The following ROBO1 variants were observed in gnomAD, a reference collection of about 807,000 sequenced individuals.
The protein encoded by ROBO1 is roundabout guidance receptor 1, also known as roundabout homolog 1.
In ROBO1, 149 loss-of-function variants were observed where a neutral mutation model predicts 195.9. The observed-to-expected ratio is 0.76, with a 90% CI of 0.67 to 0.87. The LOEUF (loss-of-function observed/expected upper bound fraction) is 0.87. Ranked by LOEUF, ROBO1 falls within the 40% of genes least tolerant of loss-of-function variation. The pLI, the probability that ROBO1 is intolerant of heterozygous loss-of-function variation, is 0.00. For missense variants in ROBO1, 1,933 were observed against 2,068.3 expected (o/e 0.93, Z 1.27); for synonymous variants, 816 against 733.2 (o/e 1.11, Z -1.82).
intron 28 of ROBO1, chr3:78,607,323 C>T: frequency 2.9e-6 from 1 of 349,632 alleles, no homozygotes; most frequent in Non-Finnish European, 5.3e-6. Flanking sequence ...AGCAATCCTC[C>T]CACCTCAGCC....
chr3:78,763,448 C>T (rs1016791163), intron 4 of ROBO1, among the ~76,000 whole-genome samples: 1 of 152,008 alleles, frequency 6.6e-6, no homozygotes. Context: ...AAATTCATAC[C>T]TTAATCTTCC....
chr3:79,349,231 G>C (rs149214440), intron 2 of ROBO1, among the ~76,000 whole-genome samples: 16 of 152,262 alleles, frequency 1.1e-4, no homozygotes, highest in African/African-American at 3.8e-4. Context: ...TCAACTTGAA[G>C]TAAATGCTTC....
At chr3:79,608,565 G>A (rs1054639784) in intron 1 of ROBO1, among the ~76,000 whole-genome samples, 8 of 151,900 alleles carry the variant, frequency 5.3e-5, no homozygotes, top group African/African-American at 1.9e-4. Context: ...TGGGTTAAAA[G>A]GAATAAGCAA....
intron 2 of ROBO1, among the ~76,000 whole-genome samples, chr3:79,520,629 A>G (rs7626778): frequency 0.19 from 29,253 of 152,148 alleles, 3,358 homozygotes; most frequent in African/African-American, 0.3. Flanking sequence ...AGAGAAACTC[A>G]TATCTTATGA....
At chr3:79,359,079 T>C (rs1559843499) in intron 2 of ROBO1, among the ~76,000 whole-genome samples, 1 of 152,064 alleles carries the variant, frequency 6.6e-6, no homozygotes, top group South Asian at 2.1e-4. Flanking sequence ...GATTACCTCT[T>C]TATTTATCTA....
chr3:78,981,357 ATC>A (rs1249719093), intron 3 of ROBO1, among the ~76,000 whole-genome samples: 4 of 152,312 alleles, frequency 2.6e-5, no homozygotes, highest in African/African-American at 9.6e-5. Flanking sequence ...ATCAACCAGC[ATC>A]TCAAATAACA....
chr3:79,465,208 T>A (rs961293815), intron 2 of ROBO1, among the ~76,000 whole-genome samples: 9 of 152,190 alleles, frequency 5.9e-5, no homozygotes, highest in Non-Finnish European at 1.3e-4. Flanking sequence ...TTCATAGATG[T>A]AACAGGGGTG....
chr3:78,724,540 G>A (rs2082119233), intron 5 of ROBO1, among the ~76,000 whole-genome samples: 1 of 147,470 alleles, frequency 6.8e-6, no homozygotes, highest in Non-Finnish European at 1.5e-5. Flanking sequence ...AAAAAAGCCT[G>A]GTGTGCTGGC....
intron 3 of ROBO1, among the ~76,000 whole-genome samples, chr3:79,066,120 T>C (rs2078998548): frequency 6.6e-6 from 1 of 151,794 alleles, no homozygotes; most frequent in African/African-American, 2.4e-5. Context: ...AGCTACAACA[T>C]GAGAGAGTCT....
At chr3:78,719,119 T>C (rs188647069) in intron 5 of ROBO1, among the ~76,000 whole-genome samples, 1 of 152,274 alleles carries the variant, frequency 6.6e-6, no homozygotes, top group African/African-American at 2.4e-5. Context: ...GAACTTGATT[T>C]TTTTTCAGTA....
chr3:79,755,827 A>G (rs1704366227), intron 1 of ROBO1, among the ~76,000 whole-genome samples: 1 of 152,124 alleles, frequency 6.6e-6, no homozygotes, highest in African/African-American at 2.4e-5. Context: ...CTCAGCACAC[A>G]TTTTTGTCAC....
intron 2 of ROBO1, among the ~76,000 whole-genome samples, chr3:79,577,716 A>AC (rs1225116639): frequency 4.2e-4 from 54 of 128,604 alleles, no homozygotes; most frequent in East Asian, 2.8e-3. Context: ...TCTTTACTAA[A>AC]AACACACACA....
intron 4 of ROBO1, among the ~76,000 whole-genome samples, chr3:78,863,315 A>G (rs1290621945): frequency 6.6e-6 from 1 of 152,204 alleles, no homozygotes; most frequent in Non-Finnish European, 1.5e-5. Context: ...CTATGAGCCT[A>G]TGACATCCAC....
At chr3:79,271,973 A>G (rs1398587323) in intron 2 of ROBO1, among the ~76,000 whole-genome samples, 2 of 152,100 alleles carry the variant, frequency 1.3e-5, no homozygotes, top group African/African-American at 4.8e-5. Context: ...AATATGTGAT[A>G]CTGACATATA....
intron 4 of ROBO1, among the ~76,000 whole-genome samples, chr3:78,821,265 A>T (rs933553044): frequency 3.1e-4 from 46 of 149,912 alleles, no homozygotes; most frequent in African/African-American, 1.1e-3. Context: ...TCCTGGGCTC[A>T]AGCAATTCTC....
At chr3:79,125,656 G>A (rs1200907751) in intron 2 of ROBO1, 117 bp from the exon 3 acceptor site, 2 of 750,510 alleles carry the variant, frequency 2.7e-6, no homozygotes, top group African/African-American at 3.4e-5. Context: ...AACACACAAG[G>A]ACAACACACA....
At chr3:79,445,586 A>C (rs1295422443) in intron 2 of ROBO1, among the ~76,000 whole-genome samples, 1 of 150,010 alleles carries the variant, frequency 6.7e-6, no homozygotes, top group Non-Finnish European at 1.5e-5. Context: ...CGCAGCCTCA[A>C]ATTCCTGGGC....
Position 79,523,473 on chromosome 3 carries a change from T to C in ROBO1, c.88+66351A>G, listed in dbSNP as rs936328414. Reference sequence around the variant, plus strand: ...TGCATTTTTCTTTCTTTTTTTTTTCTTTTTTTTTTTTTTTTTGAGAAGGAG... The same window carrying C: ...TGCATTTTTCTTTCTTTTTTTTTTCCTTTTTTTTTTTTTTTTGAGAAGGAG... On this transcript the variant is annotated intron_variant, in intron 2 of 30. Transcript: ENST00000464233. Among the ~76,000 whole-genome samples the C allele has an allele frequency of 2.1e-3, 45 of 20,946 alleles. No individual in the cohort carries two copies. The African/African-American group carries it at 0.037, about 17-fold the overall frequency. The allele number at this position is 20,946 out of a possible 152,430, so 13.7% of individuals were successfully genotyped here. A position where few individuals can be genotyped will look rare whatever the true frequency, so the allele number is the denominator to read the frequency against.
chr3:78,798,130 C>A (rs1016878922), intron 4 of ROBO1, among the ~76,000 whole-genome samples: 1 of 152,098 alleles, frequency 6.6e-6, no homozygotes, highest in African/African-American at 2.4e-5. Flanking sequence ...TGAAACTATT[C>A]ATGGGAATTT....
Sources: gnomAD v4.1 joint callset for allele counts (sites outside exome capture counted in the v4.1 genomes callset) on GRCh38, gnomAD v4.1.1 for gene constraint, MANE v1.5 for transcripts, NCBI Gene and HGNC (gene_info 2026-07-23, HGNC 2026-07-21) for gene names.